Variants in COPE observed in about 807,000 individuals in gnomAD.
COPE encodes coat protein complex I subunit epsilon.
Under a neutral mutation model 42.1 loss-of-function variants are expected in COPE, and 19 were observed. That is an observed-to-expected ratio of 0.45 (90% CI 0.31 to 0.66). The LOEUF (loss-of-function observed/expected upper bound fraction) is 0.66. Among genes scored for constraint, COPE ranks in the 30% least tolerant of loss-of-function variants. The pLI, the probability that COPE is intolerant of heterozygous loss-of-function variation, is 0.05. For missense variants in COPE, 402 were observed against 416.1 expected, an observed-to-expected ratio of 0.97 and a Z score of 0.30; for synonymous variants, 195 against 181.3, an observed-to-expected ratio of 1.08 and a Z score of -0.60.
chr19:18,916,049 G>T (rs1027304949), intron 1 of COPE, among the ~76,000 whole-genome samples: 5 of 152,196 alleles, frequency 3.3e-5, no homozygotes, highest in African/African-American at 1.2e-4. Flanking sequence ...GCCAGGTGTG[G>T]TGGCGCACGC....
In COPE at chr19:18,902,785, G is replaced by GA. The variant is rs777002911; in HGVS notation, c.735+482dup. 8.8e-3 allele frequency among the ~76,000 whole-genome samples: 269 copies of GA among 30,510 alleles called. 39 individuals are homozygous for GA. The highest frequency in any genetic ancestry group is 0.024 in the Middle Eastern group (1 of 42). 20.0% of individuals were successfully genotyped at this position (30,510 alleles called of 152,430 possible). A position where few individuals can be genotyped will look rare whatever the true frequency, so the allele number is the denominator to read the frequency against. On this transcript the variant is annotated intron_variant, in intron 7 of 9. Coordinates refer to ENST00000262812, the MANE Select transcript of COPE (RefSeq NM_007263.4). ...GAAGGAAGGGAAAGAAGGAAGGAAG[G>GA]AAGGAAGGAAGGAAGGAAGGAAGGA...
At chr19:18,911,963 G>A (rs2056814978) in intron 2 of COPE, among the ~76,000 whole-genome samples, 1 of 150,996 alleles carries the variant, frequency 6.6e-6, no homozygotes, top group Admixed American at 6.7e-5. Flanking sequence ...TAATTCTCCT[G>A]CCTCAGCCTC....
intron 1 of COPE, among the ~76,000 whole-genome samples, chr19:18,914,038 C>G (rs1031762054): frequency 3.3e-5 from 5 of 152,204 alleles, no homozygotes; most frequent in African/African-American, 1.2e-4. Context: ...CTGACTCAGG[C>G]TGCCATTGCC....
intron 1 of COPE, 91 bp from the exon 2 acceptor site, chr19:18,913,137 G>C: frequency 8.6e-7 from 1 of 1,158,876 alleles, no homozygotes; most frequent in African/African-American, 1.5e-5. Context: ...CTGTACACTG[G>C]GGACAGGTGG....
intron 7 of COPE, among the ~76,000 whole-genome samples, chr19:18,901,681 C>T (rs1345772526): frequency 2.0e-5 from 3 of 152,250 alleles, no homozygotes; most frequent in Non-Finnish European, 2.9e-5. Context: ...ATCATCCCAG[C>T]ACTTTAGAAG....
chr19:18,914,174 G>A (rs2056834306), intron 1 of COPE, among the ~76,000 whole-genome samples: 1 of 152,164 alleles, frequency 6.6e-6, no homozygotes, highest in Non-Finnish European at 1.5e-5. Flanking sequence ...GGAGGGTGGT[G>A]GCTGCAGAAA....
chr19:18,906,986 C>T lies in COPE; in HGVS notation c.417G>A (p.Ala139=), dbSNP rs149598476. The change falls in exon 4 of 10, where the codon GCG becomes GCA. Residue 139 remains alanine, a synonymous_variant. Coordinates refer to ENST00000262812, the MANE Select transcript of COPE (RefSeq NM_007263.4). The part of the protein sequence containing the change: ...HDQNPDAALR[A]LHQGDSLECT... ...ACTCCAGGCTGTCCCCCTGGTGCAG[C>T]GCACGCAGGGCGGCATCCGGGTTCT... The T allele has an allele frequency of 3.7e-5, 58 of 1,571,828 alleles. No individual in the cohort carries two copies. The African/African-American group carries it at 5.0e-4, about 14-fold the overall frequency.
chr19:18,906,750 G>A (rs921025049), intron 4 of COPE: 36 of 537,212 alleles, frequency 6.7e-5, no homozygotes, highest in African/African-American at 3.8e-4. Flanking sequence ...CCTGGGCACC[G>A]TGTCCTTGGA....
intron 3 of COPE, among the ~76,000 whole-genome samples, chr19:18,908,555 C>T (rs1379356174): frequency 2.7e-5 from 4 of 150,408 alleles, no homozygotes; most frequent in Non-Finnish European, 4.4e-5. Context: ...CTCGCACTTT[C>T]GCCCAGGCTG....
chr19:18,907,925 C>T (rs547253985), intron 3 of COPE, among the ~76,000 whole-genome samples: 3 of 152,242 alleles, frequency 2.0e-5, no homozygotes, highest in Admixed American at 6.5e-5. Flanking sequence ...ACTGAGGGCT[C>T]GCCACAGTGC....
intron 7 of COPE, among the ~76,000 whole-genome samples, chr19:18,902,935 C>T (rs953113507): frequency 4.0e-5 from 6 of 151,692 alleles, no homozygotes; most frequent in Non-Finnish European, 4.4e-5. Context: ...TACATAAGTA[C>T]GGGGAGTGTC....
At chr19:18,901,821 CAAAA>C (rs1166422002) in intron 7 of COPE, among the ~76,000 whole-genome samples, 1 of 152,016 alleles carries the variant, frequency 6.6e-6, no homozygotes, top group Non-Finnish European at 1.5e-5. Flanking sequence ...AAAAAACAAA[CAAAA>C]AACCCCCCAA....
Position 18,919,325 on chromosome 19 carries a change from C to T in COPE, c.24G>A (p.Pro8=), listed in dbSNP as rs764549205. 1.2e-6 allele frequency: 2 copies of T among 1,613,488 alleles called. No homozygotes were observed. The highest frequency in any genetic ancestry group is 2.2e-5 in the East Asian group (1 of 44,888). The change falls in exon 1 of 10, where the codon CCG becomes CCA. Residue 8 remains proline, a synonymous_variant. Coordinates refer to ENST00000262812, the MANE Select transcript of COPE (RefSeq NM_007263.4). MAPPAPG[P]ASGGSGEVDE... is the part of the protein sequence containing the mutation. ...CTACCTCCCCGGAGCCGCCGGAGGC[C>T]GGGCCGGGGGCCGGAGGCGCCATTT...
chr19:18,906,886 C>A (rs891600242), intron 4 of COPE, 74 bp downstream of exon 4: 14 of 1,459,002 alleles, frequency 9.6e-6, no homozygotes, highest in Non-Finnish European at 1.2e-5. Flanking sequence ...GCCAGCGAGG[C>A]CGTGCGCAGC....
At chr19:18,905,721 T>C in intron 4 of COPE, 92 bp from the exon 5 acceptor site, 2 of 1,349,094 alleles carry the variant, frequency 1.5e-6, no homozygotes, top group Non-Finnish European at 2.0e-6. Context: ...GTGTCTGGGA[T>C]GTTCCTAAGT....
chr19:18,908,905 G>A (rs1445859876), intron 3 of COPE, among the ~76,000 whole-genome samples: 3 of 152,148 alleles, frequency 2.0e-5, no homozygotes, highest in Admixed American at 2.0e-4. Context: ...GGCTGAGGTG[G>A]GATGATCACT....
Position 18,903,430 on chromosome 19 carries a change from G to A in COPE, c.580-7C>T, listed in dbSNP as rs2056728119. ...CCTGCAGCTTCTCACCACCCTGCAG[G>A]GAGGGTCCCGCATCATTGCCTGTGC... On this transcript the variant is annotated splice_polypyrimidine_tract_variant and splice_region_variant and intron_variant, in intron 6 of 9. Transcript: ENST00000262812. 1.9e-6 allele frequency: 3 copies of A among 1,602,570 alleles called. No homozygotes were observed. Among genetic ancestry groups the A allele is most frequent in the South Asian group, 1.1e-5 (1 of 89,498 alleles).
At chr19:18,911,851 CTTTTTT>C (rs537294392) in intron 2 of COPE, among the ~76,000 whole-genome samples, 2 of 136,360 alleles carry the variant, frequency 1.5e-5, no homozygotes, top group Admixed American at 7.4e-5. Context: ...CACGCCCGGC[CTTTTTT>C]TTTTTTTTTT....
rs191504101 is a variant in COPE, at chr19:18,899,983, C to T, written c.805-36G>A. 1.1e-5 allele frequency: 17 copies of T among 1,592,092 alleles called. No homozygotes were observed. In the African/African-American group the frequency reaches 1.9e-4, roughly 18 times the overall value. On this transcript the variant is annotated intron_variant, in intron 8 of 9. Transcript: ENST00000262812. ...GGCAGGGAGGCAGGTGAGCCGAACA[C>T]GGGGACCCCACGGTGGCTCTGACCT...
Sources: gnomAD v4.1 joint callset for allele counts (sites outside exome capture counted in the v4.1 genomes callset) on GRCh38, gnomAD v4.1.1 for gene constraint, MANE v1.5 for transcripts, NCBI Gene and HGNC (gene_info 2026-07-23, HGNC 2026-07-21) for gene names.